Variants in ALG13 observed in about 807,000 individuals in gnomAD.
ALG13 encodes UDP-N-acetylglucosamine transferase subunit ALG13.
A neutral mutation model predicts 87.8 loss-of-function variants in ALG13; 11 were observed. The ratio of observed to expected loss-of-function variants is 0.13; its 90% confidence interval spans 0.08 to 0.21. The LOEUF (loss-of-function observed/expected upper bound fraction) is 0.21. Among genes scored for constraint, ALG13 ranks in the 10% least tolerant of loss-of-function variants. ALG13 has a pLI of 1.00. For missense variants in ALG13, 756 were observed against 866.1 expected, an observed-to-expected ratio of 0.87 and a Z score of 1.60; for synonymous variants, 320 against 306.3, an observed-to-expected ratio of 1.04 and a Z score of -0.47.
Position 111,727,344 on chromosome X carries a change from G to A in ALG13, c.1989G>A (p.Arg663=). The change falls in exon 17 of 27, where the codon CGG becomes CGA. Residue 663 remains arginine, a synonymous_variant. Coordinates refer to ENST00000394780, the MANE Select transcript of ALG13 (RefSeq NM_001099922.3). ...TCTTTATTCTTAGGAATTCATCTCG[G>A]TTTATAAACAGGCACAACATGCCGG... ...RGYGMPRNSS[R]FINRHNMPGP... is the part of the protein sequence containing the mutation. The A allele has an allele frequency of 8.3e-7, 1 of 1,207,221 alleles. No homozygotes were observed. Among genetic ancestry groups the A allele is most frequent in the Middle Eastern group, 2.3e-4 (1 of 4,335 alleles).
intron 24 of ALG13, among the ~76,000 whole-genome samples, chrX:111,749,257 T>C (rs1944505635): frequency 9.0e-6 from 1 of 111,373 alleles, no homozygotes; most frequent in Non-Finnish European, 1.9e-5. Flanking sequence ...TGATTTTTTT[T>C]TCTTTATGGA....
intron 2 of ALG13, among the ~76,000 whole-genome samples, chrX:111,683,528 G>A (rs1260191873): frequency 9.3e-6 from 1 of 107,551 alleles, no homozygotes; most frequent in African/African-American, 3.4e-5. Context: ...TAGTAGAGAC[G>A]GGGTTTCACC....
At chrX:111,689,729 C>T in intron 3 of ALG13, 1 of 709,870 alleles carries the variant, frequency 1.4e-6, no homozygotes, top group Non-Finnish European at 1.7e-6. Context: ...AGAACTGCCC[C>T]TAGGAGCAGC....
intron 3 of ALG13, among the ~76,000 whole-genome samples, chrX:111,699,989 A>G (rs1288120180): frequency 9.3e-6 from 1 of 107,532 alleles, no homozygotes; most frequent in Non-Finnish European, 1.9e-5. Context: ...ACATTTTCAC[A>G]ATATTCTTCC....
chrX:111,742,032 AATC>A (rs1943790141), intron 23 of ALG13, among the ~76,000 whole-genome samples: 1 of 112,010 alleles, frequency 8.9e-6, no homozygotes, highest in Admixed American at 9.5e-5. Context: ...ATTTATGTGG[AATC>A]ATTGAAAGAT....
At chrX:111,724,641 C>G in intron 14 of ALG13, among the ~76,000 whole-genome samples, 1 of 111,856 alleles carries the variant, frequency 8.9e-6, no homozygotes, top group Non-Finnish European at 1.9e-5. Flanking sequence ...ATTCCCAAGC[C>G]TCATGTCAAT....
chrX:111,685,811 A>G (rs1363973714), intron 3 of ALG13, among the ~76,000 whole-genome samples: 2 of 112,083 alleles, frequency 1.8e-5, no homozygotes, highest in Non-Finnish European at 3.8e-5. Context: ...AGAGCCAGTC[A>G]TGTGAAGATT....
chrX:111,701,134 G>A (rs1469450949), intron 3 of ALG13, among the ~76,000 whole-genome samples: 2 of 111,560 alleles, frequency 1.8e-5, no homozygotes, highest in Non-Finnish European at 3.8e-5. Flanking sequence ...TTGACGACTT[G>A]CATTTATGTT....
At chrX:111,718,326 A>G (rs754940064) in intron 10 of ALG13, 52 bp downstream of exon 10, 8 of 1,068,175 alleles carry the variant, frequency 7.5e-6, no homozygotes, top group East Asian at 3.2e-5. Flanking sequence ...ACTTCTGTGC[A>G]TAATCATTTG....
chrX:111,722,650 A>C lies in ALG13; in HGVS notation c.1436-143A>C, dbSNP rs1941521463. On this transcript the variant is annotated intron_variant, in intron 12 of 26. Coordinates refer to ENST00000394780, the MANE Select transcript of ALG13 (RefSeq NM_001099922.3). ...GAAATAACTCATCCAGAATGATAGA[A>C]TCGCCCTTTGGGACTTTACCCCTAT... 3 of 435,878 alleles carry C rather than the reference A, an allele frequency of 6.9e-6. No homozygotes were observed. In the South Asian group the frequency reaches 1.1e-4, roughly 17 times the overall value. 35.9% of individuals were successfully genotyped at this position (435,878 alleles called of 1,213,427 possible).
intron 15 of ALG13, among the ~76,000 whole-genome samples, 159 bp from the exon 16 acceptor site, chrX:111,726,650 A>C (rs1299470565): frequency 1.8e-5 from 2 of 111,340 alleles, no homozygotes; most frequent in Non-Finnish European, 3.8e-5. Flanking sequence ...TAAAAGATCT[A>C]GTATATCCTT....
chrX:111,713,235 A>G lies in ALG13; in HGVS notation c.943A>G (p.Ile315Val). The change falls in exon 8 of 27, where the codon ATT becomes GTT. Residue 315 changes from isoleucine to valine, a missense_variant. By Grantham distance (29) the Ile-to-Val change is conservative. This residue lies in a region of ALG13 where 60 missense variants were observed against 54.5 expected (regional missense o/e 1.10). Coordinates refer to ENST00000394780, the MANE Select transcript of ALG13 (RefSeq NM_001099922.3). The stretch of plus-strand genomic sequence containing the variant: ...GTTTTCCCCATATAGTCGGGATTTC[A>G]TTCTTTATCGCTTTCCTGGAAAACC... Reference protein sequence around the residue: ...ALSLIYNRDFILYRFPGKPPT... With the variant: ...ALSLIYNRDFVLYRFPGKPPT... 1 of 1,194,739 alleles carries G rather than the reference A, an allele frequency of 8.4e-7. No individual in the cohort carries two copies. The highest frequency in any genetic ancestry group is 1.1e-6 in the Non-Finnish European group (1 of 883,065).
rs879240543 is a variant in ALG13, at chrX:111,733,508, C to G, written c.2458-1543C>G. Among the ~76,000 whole-genome samples the G allele has an allele frequency of 1.5e-4, 17 of 111,673 alleles. 1 individual carries two copies. Among genetic ancestry groups the G allele is most frequent in the Middle Eastern group, 4.6e-3 (1 of 216 alleles). The stretch of plus-strand genomic sequence containing the variant: ...TGAGTAGTATTCCATGGTATATATG[C>G]ACCACATTTTCTTTATCCACTTGAT... On this transcript the variant is annotated intron_variant, in intron 21 of 26. Transcript: ENST00000394780.
chrX:111,692,030 G>A (rs973650131), intron 3 of ALG13, among the ~76,000 whole-genome samples: 3 of 111,620 alleles, frequency 2.7e-5, no homozygotes, highest in Non-Finnish European at 5.6e-5. Context: ...GCTCCTAAAT[G>A]ATATTTCCAA....
At chrX:111,686,083 A>T in intron 3 of ALG13, 1 of 829,876 alleles carries the variant, frequency 1.2e-6, no homozygotes, top group Non-Finnish European at 1.6e-6. Flanking sequence ...ATTCAACAGG[A>T]ACTGATCATC....
intron 18 of ALG13, among the ~76,000 whole-genome samples, 169 bp from the exon 19 acceptor site, chrX:111,728,016 T>C (rs1291302915): frequency 8.9e-6 from 1 of 112,653 alleles, no homozygotes; most frequent in African/African-American, 3.2e-5. Flanking sequence ...TTTTACTTCA[T>C]ATTTTTTGTA....
chrX:111,734,047 GT>G (rs1304684349), intron 21 of ALG13, among the ~76,000 whole-genome samples: 2 of 111,976 alleles, frequency 1.8e-5, no homozygotes, highest in African/African-American at 6.5e-5. Flanking sequence ...CTGGATATTA[GT>G]CCTTTGTCGA....
At chrX:111,697,660 C>T (rs775512471) in intron 3 of ALG13, among the ~76,000 whole-genome samples, 1 of 112,188 alleles carries the variant, frequency 8.9e-6, no homozygotes, top group Non-Finnish European at 1.9e-5. Context: ...AGTCTAGAAT[C>T]GACCCACAGT....
chrX:111,709,115 C>A, intron 5 of ALG13, 67 bp downstream of exon 5: 1 of 637,227 alleles, frequency 1.6e-6, no homozygotes, highest in Non-Finnish European at 2.3e-6. Context: ...TAATTGTGAG[C>A]ACCTACCAAA....
Sources: gnomAD v4.1 joint callset for allele counts (sites outside exome capture counted in the v4.1 genomes callset) on GRCh38, gnomAD v4.1.1 for gene constraint, gnomAD v4.1.1 regional missense constraint, MANE v1.5 for transcripts, NCBI Gene and HGNC (gene_info 2026-07-23, HGNC 2026-07-21) for gene names.